The following ADAMTSL3 variants were observed in gnomAD, a reference collection of about 807,000 sequenced individuals.
ADAMTSL3 encodes ADAMTS-like protein 3.
ADAMTSL3 carries 128 observed loss-of-function variants against 201.7 expected under a neutral mutation model. The ratio of observed to expected loss-of-function variants is 0.63; its 90% CI spans 0.55 to 0.73. The LOEUF is 0.73. Ranked by LOEUF, ADAMTSL3 falls within the 30% of genes least tolerant of loss-of-function variation. ADAMTSL3 has a pLI of 0.00. For synonymous variants in ADAMTSL3, 738 were observed against 748.4 expected (o/e 0.99, Z 0.23); for missense variants, 1,990 against 2,119.6 (o/e 0.94, Z 1.20).
intron 2 of ADAMTSL3, among the ~76,000 whole-genome samples, chr15:83,659,916 G>C (rs1173312973): frequency 1.3e-5 from 2 of 152,174 alleles, no homozygotes. Context: ...GATGTAACTG[G>C]CTGTAGTGAC....
chr15:84,025,234 C>T lies in ADAMTSL3; in HGVS notation c.4458-4C>T. ...TACTAAAGTCCTGTAGTTTTTGTTC[C>T]TAGGTGGTTCACAAGTGTGTGGTCA... On this transcript the variant is annotated splice_region_variant and splice_polypyrimidine_tract_variant and intron_variant, in intron 26 of 29. Coordinates refer to ENST00000286744, the MANE Select transcript of ADAMTSL3 (RefSeq NM_207517.3). The T allele has an allele frequency of 1.3e-6, 2 of 1,590,186 alleles. No homozygotes were observed. The highest frequency in any genetic ancestry group is 1.8e-5 in the Admixed American group (1 of 56,288).
chr15:84,019,616 G>A (rs1265766369), intron 25 of ADAMTSL3, among the ~76,000 whole-genome samples: 6 of 151,942 alleles, frequency 3.9e-5, no homozygotes, highest in African/African-American at 1.2e-4. Flanking sequence ...ACCAAAGGCC[G>A]GGCGCAGTGG....
chr15:83,807,184 G>T (rs1216122816), intron 5 of ADAMTSL3, among the ~76,000 whole-genome samples: 1 of 152,224 alleles, frequency 6.6e-6, no homozygotes, highest in Non-Finnish European at 1.5e-5. Flanking sequence ...GGCCGGGCAT[G>T]GTGGCTCACG....
intron 4 of ADAMTSL3, among the ~76,000 whole-genome samples, chr15:83,798,144 C>T (rs1475327539): frequency 6.6e-6 from 1 of 152,104 alleles, no homozygotes; most frequent in East Asian, 1.9e-4. Flanking sequence ...ATTCCATGTA[C>T]TCAGTTACCT....
chr15:84,028,128 A>G (rs1373670186), intron 27 of ADAMTSL3, among the ~76,000 whole-genome samples: 2 of 152,196 alleles, frequency 1.3e-5, no homozygotes, highest in African/African-American at 2.4e-5. Context: ...TGTTAAAGGT[A>G]TGGGGTTTCT....
chr15:83,910,962 C>T (rs1341399994), intron 15 of ADAMTSL3, among the ~76,000 whole-genome samples: 1 of 152,138 alleles, frequency 6.6e-6, no homozygotes, highest in Non-Finnish European at 1.5e-5. Context: ...CTTACCTCAT[C>T]TCCTCTCGAG....
chr15:83,892,590 ATTGATACC>A (rs2065529515), intron 12 of ADAMTSL3, 86 bp from the exon 13 acceptor site: 2 of 1,259,836 alleles, frequency 1.6e-6, no homozygotes, highest in Admixed American at 2.1e-5. Context: ...CTGAACCACA[ATTGATACC>A]TTAAGGCCAT....
rs531844607 is a variant in ADAMTSL3, at chr15:83,835,016, C to T, written c.601-3073C>T. Among the ~76,000 whole-genome samples, 395 of 152,132 alleles carry T rather than the reference C, an allele frequency of 2.6e-3. 1 individual carries two copies. Among genetic ancestry groups the T allele is most frequent in the African/African-American group, 9.2e-3 (381 of 41,502 alleles). ...TTGGGAGGCCAAGGCGGGCAGATCA[C>T]GAGATCAGGAGATCGAGACCATCCT... is the stretch of plus-strand genomic sequence containing the variant. On this transcript the variant is annotated intron_variant, in intron 6 of 29. Coordinates refer to ENST00000286744, the MANE Select transcript of ADAMTSL3 (RefSeq NM_207517.3).
At chr15:83,672,713 A>C (rs749046720) in intron 2 of ADAMTSL3, among the ~76,000 whole-genome samples, 1 of 152,256 alleles carries the variant, frequency 6.6e-6, no homozygotes, top group Non-Finnish European at 1.5e-5. Context: ...CTTCACACTT[A>C]GAATGCAGAG....
chr15:83,860,031 A>G (rs1471880088), intron 8 of ADAMTSL3, among the ~76,000 whole-genome samples: 1 of 152,044 alleles, frequency 6.6e-6, no homozygotes, highest in Non-Finnish European at 1.5e-5. Context: ...AGCTAGGCAT[A>G]GTGGCGCACG....
At chr15:83,926,580 G>A (rs924693939) in intron 17 of ADAMTSL3, among the ~76,000 whole-genome samples, 2 of 150,858 alleles carry the variant, frequency 1.3e-5, no homozygotes, top group Non-Finnish European at 2.9e-5. Flanking sequence ...AAATATCATC[G>A]TTTCCTTTTT....
intron 7 of ADAMTSL3, among the ~76,000 whole-genome samples, chr15:83,852,198 C>T (rs1457658368): frequency 1.6e-5 from 2 of 122,734 alleles, no homozygotes; most frequent in African/African-American, 2.7e-5. Context: ...CTATGACCCC[C>T]GCCTCCTGGG....
chr15:83,942,270 T>G (rs1465572705), intron 17 of ADAMTSL3, among the ~76,000 whole-genome samples: 2 of 152,348 alleles, frequency 1.3e-5, no homozygotes, highest in Non-Finnish European at 2.9e-5. Flanking sequence ...AAATCATCAT[T>G]GCCTTGGGGC....
At chr15:83,833,341 C>T (rs567045442) in intron 6 of ADAMTSL3, among the ~76,000 whole-genome samples, 1 of 152,268 alleles carries the variant, frequency 6.6e-6, no homozygotes, top group Non-Finnish European at 1.5e-5. Flanking sequence ...CCTCCTGGTT[C>T]ATAGAGGCTG....
chr15:83,847,843 G>A (rs1288089232), intron 7 of ADAMTSL3, among the ~76,000 whole-genome samples: 1 of 151,646 alleles, frequency 6.6e-6, no homozygotes, highest in East Asian at 1.9e-4. Context: ...ATGGGTGTGT[G>A]AGGGAATTAA....
chr15:83,845,905 T>C (rs1262652697), intron 7 of ADAMTSL3, among the ~76,000 whole-genome samples: 1 of 152,184 alleles, frequency 6.6e-6, no homozygotes, highest in African/African-American at 2.4e-5. Flanking sequence ...GACCCCCTCA[T>C]TGGTATGTGA....
intron 3 of ADAMTSL3, among the ~76,000 whole-genome samples, chr15:83,742,067 G>A (rs921581359): frequency 3.3e-5 from 5 of 151,740 alleles, no homozygotes; most frequent in Admixed American, 6.6e-5. Flanking sequence ...GGGAAAGTTC[G>A]AAAAAAATTA....
chr15:83,917,205 A>C (rs1054500646), intron 16 of ADAMTSL3, among the ~76,000 whole-genome samples: 1 of 152,208 alleles, frequency 6.6e-6, no homozygotes, highest in African/African-American at 2.4e-5. Flanking sequence ...TGAAAAGATA[A>C]ATTTTGGTCA....
intron 9 of ADAMTSL3, among the ~76,000 whole-genome samples, chr15:83,877,883 G>A (rs1054610206): frequency 3.3e-5 from 5 of 151,608 alleles, no homozygotes; most frequent in African/African-American, 1.2e-4. Flanking sequence ...TTGTTTCTGG[G>A]GTGTGGAAAT....
Sources: gnomAD v4.1 joint callset for allele counts (sites outside exome capture counted in the v4.1 genomes callset) on GRCh38, gnomAD v4.1.1 for gene constraint, MANE v1.5 for transcripts, NCBI Gene and HGNC (gene_info 2026-07-23, HGNC 2026-07-21) for gene names.